The following ABL1 variants were observed in gnomAD, a reference collection of about 807,000 sequenced individuals.
ABL1 encodes the protein tyrosine-protein kinase ABL1.
Under a neutral mutation model 94.7 loss-of-function variants are expected in ABL1, and 11 were observed. That is an observed-to-expected ratio of 0.12 (90% confidence interval 0.07 to 0.19). ABL1 has a LOEUF of 0.19. Ranked by LOEUF, ABL1 falls within the 10% of genes least tolerant of loss-of-function variation. The pLI is 1.00. For missense variants in ABL1, 1,082 were observed against 1,489.4 expected, an observed-to-expected ratio of 0.73 and a Z score of 4.50; for synonymous variants, 656 against 622.4, an observed-to-expected ratio of 1.05 and a Z score of -0.80.
chr9:130,831,802 T>C (rs1830497659), upstream of ABL1, among the ~76,000 whole-genome samples: 1 of 152,020 alleles, frequency 6.6e-6, no homozygotes, highest in Non-Finnish European at 1.5e-5. Context: ...AGAGACAGGA[T>C]TTCCCCATGT....
At position 130,862,135 on chromosome 9, in the gene ABL1, T is replaced by C. The variant is rs1348326899; in HGVS notation, c.550-628T>C. The stretch of plus-strand genomic sequence containing the variant: ...AGGTTTATCCCCTTTAAATTATAAA[T>C]TAAATGAATTCTTCGCTTTTCCTAC... On this transcript the variant is annotated intron_variant, in intron 3 of 10. Transcript: ENST00000318560. The surrounding 1 kb of genome is among the most constrained non-coding windows in gnomAD (Gnocchi z 5.5). 6.6e-6 allele frequency among the ~76,000 whole-genome samples: 1 copy of C among 152,238 alleles called. No individual in the cohort carries two copies. Among genetic ancestry groups the C allele is most frequent in the Non-Finnish European group, 1.5e-5 (1 of 68,048 alleles).
At chr9:130,820,513 A>G (rs182869208) in intron 1 of ABL1, among the ~76,000 whole-genome samples, 12 of 152,112 alleles carry the variant, frequency 7.9e-5, no homozygotes, top group Admixed American at 6.5e-4. Flanking sequence ...ATTTGTGTGT[A>G]TACAACCTTC....
intron 1 of ABL1, among the ~76,000 whole-genome samples, chr9:130,720,780 A>T (rs188764286): frequency 6.6e-6 from 1 of 152,256 alleles, no homozygotes; most frequent in East Asian, 1.9e-4. Flanking sequence ...TGCTTGGACC[A>T]AAGTGGTGGC....
intron 1 of ABL1, among the ~76,000 whole-genome samples, chr9:130,760,443 C>T (rs1037861973): frequency 1.3e-5 from 2 of 152,146 alleles, no homozygotes; most frequent in Non-Finnish European, 2.9e-5. Context: ...AACATAGACC[C>T]TTCCAAGTCT....
At chr9:130,864,224 C>G (rs111985317) in intron 4 of ABL1, among the ~76,000 whole-genome samples, 2,499 of 152,206 alleles carry the variant, frequency 0.016, 72 homozygotes, top group African/African-American at 0.056. Flanking sequence ...CTTAAGGACC[C>G]TGGATATTTC....
At chr9:130,865,668 C>T (rs1159573768) in intron 4 of ABL1, among the ~76,000 whole-genome samples, 3 of 151,064 alleles carry the variant, frequency 2.0e-5, no homozygotes, top group Non-Finnish European at 4.4e-5. Context: ...ATTACCTGAG[C>T]CCGGGAGGTT....
intron 4 of ABL1, among the ~76,000 whole-genome samples, chr9:130,865,848 G>A (rs1390037369): frequency 2.0e-5 from 3 of 151,564 alleles, no homozygotes; most frequent in African/African-American, 7.3e-5. Context: ...GTGCCTGGCA[G>A]AGACCTCTGT....
In ABL1 at chr9:130,872,697, C is replaced by A. The variant is rs1025918310; in HGVS notation, c.908-163C>A. Among the ~76,000 whole-genome samples the A allele has an allele frequency of 6.6e-6, 1 of 152,222 alleles. No individual in the cohort carries two copies. The highest frequency in any genetic ancestry group is 1.5e-5 in the Non-Finnish European group (1 of 68,036). ...AAAGAGCCTGGCCATGTCCCTCCCACACGAGCACAGTCTCAGGATGCAGGT... is the reference window on the plus strand; with the variant it reads ...AAAGAGCCTGGCCATGTCCCTCCCAAACGAGCACAGTCTCAGGATGCAGGT... On this transcript the variant is annotated intron_variant, in intron 5 of 10. Coordinates refer to ENST00000318560, the MANE Select transcript of ABL1 (RefSeq NM_005157.6). The surrounding 1 kb of genome is among the most constrained non-coding windows in gnomAD (Gnocchi z 5.0).
Position 130,789,159 on chromosome 9 carries a change from G to A in ABL1, c.137-64905G>A, listed in dbSNP as rs530384239. 6.6e-4 allele frequency among the ~76,000 whole-genome samples: 100 copies of A among 152,256 alleles called. 1 individual carries two copies. Among genetic ancestry groups the A allele is most frequent in the African/African-American group, 2.2e-3 (91 of 41,542 alleles). On this transcript the variant is annotated intron_variant, in intron 1 of 10. Transcript: ENST00000372348. Reference sequence around the variant, plus strand: ...AGAAAGGGATCAGTGATCCAAGACCGTTTCTCATAAAGCTAATACCTCAGA... The same window carrying A: ...AGAAAGGGATCAGTGATCCAAGACCATTTCTCATAAAGCTAATACCTCAGA...
intron 4 of ABL1, among the ~76,000 whole-genome samples, chr9:130,865,046 G>GGT (rs1831133173): frequency 1.3e-5 from 2 of 152,198 alleles, no homozygotes; most frequent in South Asian, 4.1e-4. Context: ...TCCAGAGAAG[G>GGT]GTACCTGCTG....
intron 1 of ABL1, among the ~76,000 whole-genome samples, chr9:130,745,054 G>A (rs1398494113): frequency 6.6e-6 from 1 of 151,350 alleles, no homozygotes; most frequent in East Asian, 1.9e-4. Context: ...AGAGTGGTGA[G>A]AAGGGTGTTA....
intron 1 of ABL1, among the ~76,000 whole-genome samples, chr9:130,775,873 C>G (rs762707658): frequency 3.3e-5 from 5 of 152,280 alleles, no homozygotes; most frequent in Non-Finnish European, 5.9e-5. Context: ...AAGGAGACTT[C>G]TCTACAGCAA....
rs965500717 is a variant in ABL1, at chr9:130,866,824, A to T, written c.822+3789A>T. On this transcript the variant is annotated intron_variant, in intron 4 of 10. Transcript: ENST00000318560. ...GGAGGACGTGCTTAAGAAAACCAAC[A>T]GTCAAGTACAAGAAGCTCTAATTTT... Among the ~76,000 whole-genome samples, 12 of 152,300 alleles carry T rather than the reference A, an allele frequency of 7.9e-5. No individual in the cohort carries two copies. The Middle Eastern group carries it at 0.01, about 130-fold the overall frequency.
intron 1 of ABL1, among the ~76,000 whole-genome samples, chr9:130,787,669 C>T (rs964486990): frequency 6.6e-6 from 1 of 152,148 alleles, no homozygotes; most frequent in Non-Finnish European, 1.5e-5. Flanking sequence ...TCCCAGTCGT[C>T]GTCACGAGCA....
chr9:130,772,770 G>C (rs1832268001), intron 1 of ABL1, among the ~76,000 whole-genome samples: 1 of 152,218 alleles, frequency 6.6e-6, no homozygotes, highest in South Asian at 2.1e-4. Flanking sequence ...GGATCCAACT[G>C]AATGCTTGCC....
chr9:130,721,925 G>A (rs1831520216), intron 1 of ABL1, among the ~76,000 whole-genome samples: 1 of 149,686 alleles, frequency 6.7e-6, no homozygotes, highest in African/African-American at 2.5e-5. Flanking sequence ...GAGTTCAAGC[G>A]ATTCTCTTTC....
chr9:130,766,465 G>C (rs35858675), intron 1 of ABL1, among the ~76,000 whole-genome samples: 5 of 152,316 alleles, frequency 3.3e-5, no homozygotes, highest in Non-Finnish European at 7.3e-5. Flanking sequence ...GTCTCATTGG[G>C]ATACAAATGA....
chr9:130,737,384 C>T (rs1831757030), intron 1 of ABL1, among the ~76,000 whole-genome samples: 1 of 152,088 alleles, frequency 6.6e-6, no homozygotes, highest in South Asian at 2.1e-4. Flanking sequence ...TCTCCTGCCT[C>T]AGCCTCCCAA....
At chr9:130,716,989 TTATAA>T (rs1490583361) in intron 1 of ABL1, among the ~76,000 whole-genome samples, 2 of 152,182 alleles carry the variant, frequency 1.3e-5, no homozygotes, top group African/African-American at 4.8e-5. Context: ...TTTTAATATC[TTATAA>T]TGAAATGTAT....
Sources: gnomAD v4.1 joint callset for allele counts (sites outside exome capture counted in the v4.1 genomes callset) on GRCh38, gnomAD v4.1.1 for gene constraint, Gnocchi (gnomAD v3.1) non-coding constraint, MANE v1.5 for transcripts, NCBI Gene and HGNC (gene_info 2026-07-23, HGNC 2026-07-21) for gene names.